Variants in PTPRT observed in about 807,000 individuals in gnomAD.
PTPRT encodes the protein receptor-type tyrosine-protein phosphatase T.
Under a neutral mutation model 176.8 loss-of-function variants are expected in PTPRT, and 56 were observed. The observed-to-expected ratio is 0.32, with a 90% CI of 0.26 to 0.40. The LOEUF (loss-of-function observed/expected upper bound fraction) is 0.40, where lower values mean the gene tolerates loss of function less well. Among genes scored for constraint, PTPRT ranks in the 10% least tolerant of loss-of-function variants. The probability of loss-of-function intolerance (pLI) is 1.00; values close to 1 mark genes in which losing one functional copy is unlikely to be tolerated. For synonymous variants in PTPRT, 783 were observed against 739.0 expected, an observed-to-expected ratio of 1.06 and a Z score of -0.96; for missense variants, 1,540 against 1,908.2, an observed-to-expected ratio of 0.81 and a Z score of 3.60.
intron 1 of PTPRT, among the ~76,000 whole-genome samples, chr20:43,091,702 G>A (rs964987187): frequency 2.6e-5 from 4 of 152,096 alleles, no homozygotes; most frequent in African/African-American, 9.7e-5. Context: ...AATAAAAGAA[G>A]GTTGGGGATT....
intron 7 of PTPRT, among the ~76,000 whole-genome samples, chr20:42,582,139 G>A (rs1448998981): frequency 6.6e-6 from 1 of 152,176 alleles, no homozygotes; most frequent in African/African-American, 2.4e-5. Flanking sequence ...CTGGGTCCCA[G>A]TAGATGGATC....
chr20:42,584,098 G>A (rs2073427929), intron 7 of PTPRT, among the ~76,000 whole-genome samples: 1 of 152,188 alleles, frequency 6.6e-6, no homozygotes, highest in East Asian at 1.9e-4. Flanking sequence ...TTATTCTCCA[G>A]CTGAATATCA....
At chr20:42,187,063 A>G (rs551341138) in intron 16 of PTPRT, among the ~76,000 whole-genome samples, 4 of 152,290 alleles carry the variant, frequency 2.6e-5, no homozygotes, top group African/African-American at 9.6e-5. Flanking sequence ...TGAAAAGTAA[A>G]TCATCTGAAC....
At chr20:42,175,972 T>C (rs1028534751) in intron 16 of PTPRT, among the ~76,000 whole-genome samples, 31 of 152,216 alleles carry the variant, frequency 2.0e-4, no homozygotes, top group Non-Finnish European at 3.5e-4. Context: ...TGTTATATCC[T>C]AACAGTATCA....
chr20:42,126,456 T>A (rs1215276173), intron 19 of PTPRT, among the ~76,000 whole-genome samples: 2 of 152,186 alleles, frequency 1.3e-5, no homozygotes, highest in African/African-American at 4.8e-5. Context: ...ACTTACCTTG[T>A]GAAGTTGTGA....
At chr20:42,991,432 A>G (rs1047653012) in intron 1 of PTPRT, among the ~76,000 whole-genome samples, 1 of 152,182 alleles carries the variant, frequency 6.6e-6, no homozygotes, top group African/African-American at 2.4e-5. Context: ...CAAAAGAAAA[A>G]AAAAAAGAAA....
intron 7 of PTPRT, among the ~76,000 whole-genome samples, chr20:42,659,462 A>T (rs2075184290): frequency 6.6e-6 from 1 of 152,158 alleles, no homozygotes; most frequent in Admixed American, 6.5e-5. Context: ...AAGAATGTAC[A>T]CTCATCCACT....
chr20:42,324,284 G>T (rs988379822), intron 11 of PTPRT, among the ~76,000 whole-genome samples: 1 of 152,156 alleles, frequency 6.6e-6, no homozygotes, highest in Non-Finnish European at 1.5e-5. Context: ...CATATTGTAT[G>T]ATTCTATTCG....
chr20:42,171,476 A>G (rs1222869149), intron 16 of PTPRT, among the ~76,000 whole-genome samples: 1 of 152,200 alleles, frequency 6.6e-6, no homozygotes, highest in African/African-American at 2.4e-5. Context: ...ATAAAAGTAT[A>G]TTATCTTCTT....
chr20:43,185,074 C>T (rs990256756), intron 1 of PTPRT, among the ~76,000 whole-genome samples: 1 of 152,176 alleles, frequency 6.6e-6, no homozygotes, highest in Non-Finnish European at 1.5e-5. Flanking sequence ...GGCTTTCTTC[C>T]TCTCCATACT....
intron 9 of PTPRT, among the ~76,000 whole-genome samples, chr20:42,386,976 T>C (rs2058751003): frequency 6.6e-6 from 1 of 152,242 alleles, no homozygotes; most frequent in African/African-American, 2.4e-5. Flanking sequence ...GACCCATAAT[T>C]GTCTGCATTC....
At chr20:43,082,054 G>A (rs2011456340) in intron 1 of PTPRT, among the ~76,000 whole-genome samples, 1 of 152,038 alleles carries the variant, frequency 6.6e-6, no homozygotes, top group South Asian at 2.1e-4. Flanking sequence ...TACTTCATCT[G>A]GTATTGAAAC....
At chr20:42,419,359 G>C (rs543065483) in intron 9 of PTPRT, among the ~76,000 whole-genome samples, 3 of 152,182 alleles carry the variant, frequency 2.0e-5, no homozygotes, top group Non-Finnish European at 4.4e-5. Flanking sequence ...GAGTGAAGAG[G>C]GAGGAGCTTC....
At chr20:42,262,585 A>G (rs938578825) in intron 13 of PTPRT, among the ~76,000 whole-genome samples, 4 of 152,228 alleles carry the variant, frequency 2.6e-5, no homozygotes, top group Admixed American at 6.5e-5. Context: ...AAAATGGTAG[A>G]TGGTGAGTAG....
intron 7 of PTPRT, among the ~76,000 whole-genome samples, chr20:42,476,686 G>C (rs1006683993): frequency 6.6e-6 from 1 of 152,188 alleles, no homozygotes; most frequent in Non-Finnish European, 1.5e-5. Flanking sequence ...GTACCTGCAG[G>C]TGAAAGCATT....
intron 1 of PTPRT, among the ~76,000 whole-genome samples, chr20:42,975,926 C>CAA (rs528308755): frequency 6.2e-4 from 88 of 142,164 alleles, no homozygotes; most frequent in African/African-American, 2.2e-3. Flanking sequence ...ACCCCCCCAC[C>CAA]AAAAAAAAAA....
chr20:42,186,918 TGA>T (rs1990805441), intron 16 of PTPRT, among the ~76,000 whole-genome samples: 2 of 152,006 alleles, frequency 1.3e-5, no homozygotes, highest in South Asian at 4.2e-4. Context: ...ATGTGGGAGG[TGA>T]GAGAGAGGAA....
intron 6 of PTPRT, among the ~76,000 whole-genome samples, chr20:42,726,236 C>T (rs548968572): frequency 6.6e-6 from 1 of 152,050 alleles, no homozygotes; most frequent in African/African-American, 2.4e-5. Flanking sequence ...CACATCAGCA[C>T]ACTTGGCTAA....
chr20:43,072,047 G>C (rs1425469653), intron 1 of PTPRT, among the ~76,000 whole-genome samples: 4 of 152,154 alleles, frequency 2.6e-5, no homozygotes, highest in Non-Finnish European at 1.5e-5. Context: ...ATCAGCACTT[G>C]CCTTTCTCAT....
Sources: allele counts gnomAD v4.1 joint callset (sites outside exome capture counted in the v4.1 genomes callset), GRCh38; gene constraint gnomAD v4.1.1; transcripts MANE v1.5; gene names NCBI Gene and HGNC (gene_info 2026-07-23, HGNC 2026-07-21).